MRRF: variants seen among roughly 807,000 people sequenced by gnomAD.
The protein encoded by MRRF is mitochondrial ribosome recycling factor, also known as ribosome-recycling factor, mitochondrial.
MRRF carries 18 observed loss-of-function variants against 25.1 expected under a neutral mutation model. That is an observed-to-expected ratio of 0.72 (90% CI 0.50 to 1.06). The LOEUF is 1.06. MRRF is among the 50% of genes least tolerant of loss of function. The pLI is 0.00. For synonymous variants in MRRF, 113 were observed against 112.1 expected, an observed-to-expected ratio of 1.01 and a Z score of -0.05; for missense variants, 323 against 319.3, an observed-to-expected ratio of 1.01 and a Z score of -0.09.
intron 3 of MRRF, among the ~76,000 whole-genome samples, chr9:122,281,852 A>T (rs1833108992): frequency 6.6e-6 from 1 of 152,168 alleles, no homozygotes; most frequent in African/African-American, 2.4e-5. Flanking sequence ...GAGGGGCAGG[A>T]ATGAGGCTGA....
chr9:122,300,688 C>T (rs1208512400), intron 5 of MRRF, among the ~76,000 whole-genome samples: 3 of 152,122 alleles, frequency 2.0e-5, no homozygotes, highest in African/African-American at 4.8e-5. Flanking sequence ...CTCACTAACC[C>T]CCTTCCTGAA....
intron 6 of MRRF, among the ~76,000 whole-genome samples, chr9:122,314,053 G>A (rs1316540164): frequency 1.3e-5 from 2 of 152,166 alleles, no homozygotes; most frequent in Non-Finnish European, 2.9e-5. Context: ...GAGTTTGAAC[G>A]TTAACATGTA....
intron 6 of MRRF, among the ~76,000 whole-genome samples, chr9:122,322,041 T>G (rs1216033766): frequency 6.6e-6 from 1 of 152,154 alleles, no homozygotes; most frequent in Non-Finnish European, 1.5e-5. Context: ...ATCTATCTTA[T>G]GGGTTTGCTG....
At position 122,270,996 on chromosome 9, in the gene MRRF, T is replaced by G. The variant is rs753907205; in HGVS notation, c.105T>G (p.His35Gln). ...PVSEVTLKTV[H>Q]ERQHGHRQYM... Reference sequence around the variant, plus strand: ...CAGAAGTTACACTGAAGACAGTGCATGAAAGACAACATGGCCATAGGCAAT... The same window carrying G: ...CAGAAGTTACACTGAAGACAGTGCAGGAAAGACAACATGGCCATAGGCAAT... The change falls in exon 2 of 7, where the codon CAT becomes CAG. Residue 35 changes from histidine (H) to glutamine (Q), a missense_variant. Physicochemically the swap from His to Gln is conservative, Grantham distance 24 (BLOSUM62 0). Transcript: ENST00000344641. 6 of 1,614,198 alleles carry G rather than the reference T, an allele frequency of 3.7e-6. No homozygotes were observed. Among genetic ancestry groups the G allele is most frequent in the Admixed American group, 3.3e-5 (2 of 60,022 alleles).
chr9:122,270,895 G>T lies in MRRF; in HGVS notation c.4G>T (p.Ala2Ser). The change falls in exon 2 of 7, where the codon GCC (alanine) becomes TCC (serine). Residue 2 changes from alanine (A) to serine (S), a missense_variant. Coordinates refer to ENST00000344641, the MANE Select transcript of MRRF (RefSeq NM_138777.5). M[A>S]LGLKCFRMVH... ...TTTCCAAGGATTGTCTTCAGTCATGGCCTTGGGATTAAAGTGCTTCCGCAT... is the reference window on the plus strand; with the variant it reads ...TTTCCAAGGATTGTCTTCAGTCATGTCCTTGGGATTAAAGTGCTTCCGCAT... 6.2e-7 allele frequency: 1 copy of T among 1,613,890 alleles called. No homozygotes were observed. Among genetic ancestry groups the T allele is most frequent in the Non-Finnish European group, 8.5e-7 (1 of 1,179,828 alleles).
At chr9:122,279,573 C>T (rs1171281808) in intron 2 of MRRF, among the ~76,000 whole-genome samples, 2 of 152,148 alleles carry the variant, frequency 1.3e-5, no homozygotes, top group Non-Finnish European at 2.9e-5. Flanking sequence ...TCTCCTTCCC[C>T]ATTCCCTATA....
intron 5 of MRRF, among the ~76,000 whole-genome samples, chr9:122,303,804 A>G (rs543566868): frequency 6.6e-6 from 1 of 152,266 alleles, no homozygotes; most frequent in African/African-American, 2.4e-5. Context: ...TCAAACTTGA[A>G]TCTGTCTGTT....
chr9:122,284,509 GATAA>G (rs1833264626), intron 3 of MRRF, among the ~76,000 whole-genome samples: 1 of 152,146 alleles, frequency 6.6e-6, no homozygotes, highest in Admixed American at 6.5e-5. Flanking sequence ...GCACAGAGAA[GATAA>G]ATAACTCACC....
intron 5 of MRRF, among the ~76,000 whole-genome samples, chr9:122,311,593 GA>G (rs544297723): frequency 1.8e-4 from 27 of 152,158 alleles, no homozygotes; most frequent in Non-Finnish European, 3.7e-4. Context: ...TAATTCTTAA[GA>G]TTTTTTTGAG....
In MRRF at chr9:122,269,165, C is replaced by CA. The variant is rs750976352; in HGVS notation, c.-28-1685dup. On this transcript the variant is annotated intron_variant, in intron 1 of 6. Transcript: ENST00000344641. ...TGGGCGACAGAGTGAGACTCTGTCT[C>CA]AAAAAAAAAAAAAATAATAATAATA... Among the ~76,000 whole-genome samples the CA allele has an allele frequency of 7.1e-3, 746 of 104,956 alleles. 2 individuals carry two copies. The highest frequency in any genetic ancestry group is 0.018 in the African/African-American group (540 of 29,226). 68.9% of individuals were successfully genotyped at this position (104,956 alleles called of 152,430 possible).
chr9:122,295,525 A>C (rs1480631182), intron 5 of MRRF, among the ~76,000 whole-genome samples: 1 of 151,168 alleles, frequency 6.6e-6, no homozygotes, highest in Admixed American at 6.6e-5. Context: ...AGCTCACTGC[A>C]GCCTGCGCCT....
Position 122,313,496 on chromosome 9 carries a change from A to G in MRRF, c.711+110A>G, listed in dbSNP as rs747373634. 265 of 1,214,142 alleles carry G rather than the reference A, an allele frequency of 2.2e-4. 1 individual carries two copies. Among genetic ancestry groups the G allele is most frequent in the Admixed American group, 3.8e-4 (22 of 58,560 alleles). The allele number at this position is 1,214,142 out of a possible 1,614,324, so 75.2% of individuals were successfully genotyped here. ...AGAATACCTCTGATCTTTCATTCAC[A>G]TTATCACCATTGTCTGAGTCTCTGT... On this transcript the variant is annotated intron_variant, in intron 6 of 6. Coordinates refer to ENST00000344641, the MANE Select transcript of MRRF (RefSeq NM_138777.5).
intron 5 of MRRF, 125 bp from the exon 6 acceptor site, chr9:122,313,102 C>T: frequency 9.9e-7 from 1 of 1,009,768 alleles, no homozygotes; most frequent in Non-Finnish European, 1.5e-6. Context: ...CTGGAAATTC[C>T]AGGAGTTCAG....
At chr9:122,310,176 G>A (rs1347830609) in intron 5 of MRRF, among the ~76,000 whole-genome samples, 2 of 152,148 alleles carry the variant, frequency 1.3e-5, no homozygotes, top group South Asian at 2.1e-4. Flanking sequence ...AGGCTCAGAC[G>A]GTTTAAATAA....
intron 3 of MRRF, among the ~76,000 whole-genome samples, chr9:122,284,329 C>T (rs1255779296): frequency 6.6e-6 from 1 of 152,182 alleles, no homozygotes; most frequent in African/African-American, 2.4e-5. Flanking sequence ...CTTGTTACCC[C>T]TATGATCTTG....
chr9:122,317,567 T>C (rs1413583405), intron 6 of MRRF, among the ~76,000 whole-genome samples: 1 of 152,194 alleles, frequency 6.6e-6, no homozygotes, highest in Non-Finnish European at 1.5e-5. Flanking sequence ...GTTATAAAAA[T>C]ATTTTATAGA....
At chr9:122,274,378 C>T (rs1832646020) in intron 2 of MRRF, among the ~76,000 whole-genome samples, 1 of 152,096 alleles carries the variant, frequency 6.6e-6, no homozygotes, top group South Asian at 2.1e-4. Flanking sequence ...AGATTTAGGC[C>T]AGGCACGATG....
chr9:122,295,698 G>A (rs543611212), intron 5 of MRRF, among the ~76,000 whole-genome samples: 6 of 152,172 alleles, frequency 3.9e-5, no homozygotes, highest in African/African-American at 1.2e-4. Context: ...TGCCCACTTC[G>A]GCCACCCAAA....
Position 122,295,603 on chromosome 9 carries a change from G to A in MRRF, c.551+3763G>A, listed in dbSNP as rs145837632. On this transcript the variant is annotated intron_variant, in intron 5 of 6. Coordinates refer to ENST00000344641, the MANE Select transcript of MRRF (RefSeq NM_138777.5). ...TGGGATTACAGGCGCCCGCCACCAC[G>A]TCTGGCTAATTTTTGTATTTTTAGT... 3.0e-3 allele frequency among the ~76,000 whole-genome samples: 457 copies of A among 152,124 alleles called. 3 individuals carry two copies. Among genetic ancestry groups the A allele is most frequent in the African/African-American group, 0.01 (425 of 41,484 alleles).
Sources: gnomAD v4.1 joint callset for allele counts (sites outside exome capture counted in the v4.1 genomes callset) on GRCh38, gnomAD v4.1.1 for gene constraint, MANE v1.5 for transcripts, NCBI Gene and HGNC (gene_info 2026-07-23, HGNC 2026-07-21) for gene names.